Variants in WBP1L observed in about 807,000 individuals in gnomAD.
WBP1L encodes WW domain binding protein 1-like.
Under a neutral mutation model 33.7 loss-of-function variants are expected in WBP1L, and 17 were observed. That is an observed-to-expected ratio of 0.50 (90% CI 0.34 to 0.76). The LOEUF is 0.76. Ranked by LOEUF, WBP1L falls within the 30% of genes least tolerant of loss-of-function variation. WBP1L has a pLI of 0.01. For missense variants in WBP1L, 389 were observed against 469.4 expected, an observed-to-expected ratio of 0.83 and a Z score of 1.58; for synonymous variants, 173 against 190.8, an observed-to-expected ratio of 0.91 and a Z score of 0.77.
At chr10:102,750,480 T>C (rs1842914548) in intron 1 of WBP1L, among the ~76,000 whole-genome samples, 1 of 152,162 alleles carries the variant, frequency 6.6e-6, no homozygotes, top group East Asian at 1.9e-4. Context: ...GGTGTTTCAG[T>C]ATAGTCACAG....
intron 1 of WBP1L, among the ~76,000 whole-genome samples, chr10:102,787,691 C>T (rs1444343025): frequency 1.3e-5 from 2 of 152,172 alleles, no homozygotes; most frequent in Non-Finnish European, 2.9e-5. Flanking sequence ...CTTTCTTCAT[C>T]CTCAGCCCTT....
At chr10:102,776,235 G>A (rs1843260006) in intron 1 of WBP1L, 2 of 1,551,376 alleles carry the variant, frequency 1.3e-6, no homozygotes, top group Non-Finnish European at 1.7e-6. Flanking sequence ...TGCCTGCTCG[G>A]TCCCAGGACT....
chr10:102,776,295 C>G (rs1034862270), intron 1 of WBP1L: 2 of 1,611,858 alleles, frequency 1.2e-6, no homozygotes, highest in African/African-American at 1.3e-5. Flanking sequence ...CCAGGACCAC[C>G]GCACACACAG....
chr10:102,775,766 A>G (rs548576054), intron 1 of WBP1L, among the ~76,000 whole-genome samples: 7 of 151,620 alleles, frequency 4.6e-5, no homozygotes, highest in African/African-American at 1.7e-4. Context: ...CTGAGCACCG[A>G]CTCTGGCAGG....
chr10:102,758,914 G>T (rs1362618386), intron 1 of WBP1L, among the ~76,000 whole-genome samples: 1 of 152,186 alleles, frequency 6.6e-6, no homozygotes, highest in East Asian at 1.9e-4. Context: ...CACTTACAAA[G>T]AAAAGATCAA....
chr10:102,745,787 C>T lies in WBP1L; in HGVS notation c.90+1644C>T, dbSNP rs568182934. Among the ~76,000 whole-genome samples, 16 of 152,260 alleles carry T rather than the reference C, an allele frequency of 1.1e-4. No homozygotes were observed. The South Asian group carries it at 3.1e-3, about 30-fold the overall frequency. ...AGCTCATTTTCTAGCCCAGTGTATT[C>T]CCTTTTCGAGGGTTGGGACCCTTCT... On this transcript the variant is annotated intron_variant, in intron 1 of 3. Transcript: ENST00000448841.
At chr10:102,794,154 C>G (rs1303978557) in intron 1 of WBP1L, among the ~76,000 whole-genome samples, 2 of 152,104 alleles carry the variant, frequency 1.3e-5, no homozygotes, top group African/African-American at 4.8e-5. Context: ...AACAATTAGG[C>G]TCCTCATATA....
At chr10:102,781,168 T>C (rs563656303) in intron 1 of WBP1L, among the ~76,000 whole-genome samples, 1 of 152,178 alleles carries the variant, frequency 6.6e-6, no homozygotes, top group Non-Finnish European at 1.5e-5. Flanking sequence ...TGGTACTTAC[T>C]CCCTGGGCAT....
At chr10:102,779,576 A>G (rs1843310379) in intron 1 of WBP1L, among the ~76,000 whole-genome samples, 1 of 152,144 alleles carries the variant, frequency 6.6e-6, no homozygotes, top group Admixed American at 6.5e-5. Flanking sequence ...TGCTGGGATT[A>G]TAGACATGAG....
At chr10:102,763,962 C>T (rs58675742) in intron 1 of WBP1L, among the ~76,000 whole-genome samples, 46 of 152,074 alleles carry the variant, frequency 3.0e-4, no homozygotes, top group African/African-American at 9.4e-4. Context: ...TATAGGTGTG[C>T]GCCACCACGC....
In WBP1L at chr10:102,773,206, A is replaced by G. The variant is rs534227860; in HGVS notation, c.91-24787A>G. ...AACTCACTTTCCTGGGAATGCCTGA[A>G]TTTGCCAACTCAATCTCTTTTTCTC... On this transcript the variant is annotated intron_variant, in intron 1 of 3. Transcript: ENST00000448841. Among the ~76,000 whole-genome samples, 7 of 152,286 alleles carry G rather than the reference A, an allele frequency of 4.6e-5. No homozygotes were observed. The South Asian group carries it at 1.4e-3, about 32-fold the overall frequency.
At chr10:102,755,051 G>C (rs1317190525) in intron 1 of WBP1L, among the ~76,000 whole-genome samples, 4 of 151,880 alleles carry the variant, frequency 2.6e-5, no homozygotes, top group Non-Finnish European at 5.9e-5. Context: ...CTGGGTTCAA[G>C]CCATTCTCCT....
At chr10:102,781,905 G>A (rs1354603926) in intron 1 of WBP1L, among the ~76,000 whole-genome samples, 2 of 151,834 alleles carry the variant, frequency 1.3e-5, no homozygotes, top group East Asian at 1.9e-4. Flanking sequence ...TCTCGCTCTT[G>A]CTCTGTCACC....
intron 1 of WBP1L, among the ~76,000 whole-genome samples, chr10:102,793,093 G>A (rs527976735): frequency 2.0e-5 from 3 of 152,128 alleles, no homozygotes; most frequent in African/African-American, 7.2e-5. Context: ...TGTAAGTTCC[G>A]TGAGGATGGC....
chr10:102,813,540 G>A lies in WBP1L; in HGVS notation c.*209G>A, dbSNP rs575515304. The A allele has an allele frequency of 4.5e-6, 3 of 661,878 alleles. No homozygotes were observed. The highest frequency in any genetic ancestry group is 3.0e-5 in the Admixed American group (1 of 32,930). The allele number at this position is 661,878 out of a possible 1,614,324, so 41.0% of individuals were successfully genotyped here. A position where few individuals can be genotyped will look rare whatever the true frequency, so the allele number is the denominator to read the frequency against. The stretch of plus-strand genomic sequence containing the variant: ...TCTTCCTCCACAAGGGCACAGTGTT[G>A]TGGAGGGCTAAGTTGGTTCTGTGAC... On this transcript the variant is annotated 3_prime_UTR_variant, in exon 4 of 4. Coordinates refer to ENST00000448841, the MANE Select transcript of WBP1L (RefSeq NM_001083913.2).
At chr10:102,767,475 T>C (rs557553764) in intron 1 of WBP1L, among the ~76,000 whole-genome samples, 3 of 152,192 alleles carry the variant, frequency 2.0e-5, no homozygotes, top group Non-Finnish European at 4.4e-5. Flanking sequence ...TGTATTATGA[T>C]GGCCCCTGTA....
At chr10:102,744,211 T>C in intron 1 of WBP1L, 68 bp downstream of exon 1, 1 of 1,450,372 alleles carries the variant, frequency 6.9e-7, no homozygotes, top group Admixed American at 2.3e-5. Context: ...TGGAGGGGTC[T>C]GAAGGAGTGT....
intron 1 of WBP1L, among the ~76,000 whole-genome samples, chr10:102,761,200 C>T (rs983697063): frequency 1.5e-4 from 21 of 141,136 alleles, no homozygotes; most frequent in African/African-American, 4.5e-4. Context: ...AGTGCAGTGG[C>T]GCGATCTTGG....
chr10:102,744,784 G>C (rs554153934), intron 1 of WBP1L, among the ~76,000 whole-genome samples: 1 of 152,322 alleles, frequency 6.6e-6, no homozygotes, highest in East Asian at 1.9e-4. Flanking sequence ...CTGTTAGGCT[G>C]GCTGGCCTGG....
Sources: allele counts gnomAD v4.1 joint callset (sites outside exome capture counted in the v4.1 genomes callset), GRCh38; gene constraint gnomAD v4.1.1; transcripts MANE v1.5; gene names NCBI Gene and HGNC (gene_info 2026-07-23, HGNC 2026-07-21).